The following SEC14L3 variants were observed in gnomAD, a reference collection of about 807,000 sequenced individuals.
SEC14L3 encodes SEC14-like protein 3.
SEC14L3 carries 56 observed loss-of-function variants against 57.4 expected under a neutral mutation model. That is an observed-to-expected ratio of 0.97 (90% CI 0.79 to 1.22). The LOEUF is 1.22. Among genes scored for constraint, SEC14L3 ranks in the 50% most tolerant of loss-of-function variants. SEC14L3 has a pLI of 0.00. For missense variants in SEC14L3, 485 were observed against 511.7 expected, an observed-to-expected ratio of 0.95 and a Z score of 0.50; for synonymous variants, 173 against 194.4, an observed-to-expected ratio of 0.89 and a Z score of 0.92.
intron 9 of SEC14L3, 66 bp downstream of exon 9, chr22:30,462,016 ATGAC>A: frequency 1.4e-6 from 2 of 1,480,220 alleles, no homozygotes; most frequent in Non-Finnish European, 1.9e-6. Context: ...TTGTGGATGA[ATGAC>A]TGAGTGGAAA....
chr22:30,462,024 G>A (rs1010973015), intron 9 of SEC14L3, 62 bp downstream of exon 9: 15 of 1,521,756 alleles, frequency 9.9e-6, no homozygotes, highest in East Asian at 2.3e-5. Context: ...GAATGACTGA[G>A]TGGAAAGGGA....
intron 11 of SEC14L3, 78 bp downstream of exon 11, chr22:30,461,232 C>T: frequency 6.7e-7 from 1 of 1,501,498 alleles, no homozygotes. Context: ...GTGTCACTGC[C>T]CCTCTGTTTC....
At position 30,468,668 on chromosome 22, in the gene SEC14L3, A is replaced by G. The variant is rs115278158; in HGVS notation, c.263T>C (p.Leu88Pro). The G allele has an allele frequency of 0.018, 29,379 of 1,613,738 alleles. 431 individuals are homozygous for G. The highest frequency in any genetic ancestry group is 0.051 in the Middle Eastern group (307 of 6,060). The change falls in exon 5 of 12, where the codon CTG becomes CCG. Residue 88 changes from leucine (L) to proline (P), a missense_variant. Coordinates refer to ENST00000215812, the MANE Select transcript of SEC14L3 (RefSeq NM_174975.5). ...GCAGCCATCACGGTCATAGCCACAC[A>G]GGCCCCCAGGCATGTACTTCTGGAT... ...EVIQKYMPGG[L>P]CGYDRDGCPV... is the part of the protein sequence containing the mutation.
chr22:30,452,348 G>C (rs918288638), intron 12 of SEC14L3, among the ~76,000 whole-genome samples: 3 of 147,536 alleles, frequency 2.0e-5, no homozygotes, highest in Non-Finnish European at 1.5e-5. Flanking sequence ...TCCCGGGTTC[G>C]ATTCTCCTGC....
chr22:30,456,338 A>G (rs1935120797), downstream of SEC14L3, among the ~76,000 whole-genome samples: 1 of 151,766 alleles, frequency 6.6e-6, no homozygotes, highest in South Asian at 2.1e-4. Context: ...AACACGAAAA[A>G]AGGAATATTG....
chr22:30,471,695 C>A (rs2146132195), intron 1 of SEC14L3, among the ~76,000 whole-genome samples: 1 of 152,324 alleles, frequency 6.6e-6, no homozygotes, highest in South Asian at 2.1e-4. Flanking sequence ...ACGTTATTGC[C>A]TGGAAGTGGT....
rs1015868438 is a variant in SEC14L3 at position 30,461,687 on chromosome 22, T to C, written c.779A>G (p.Tyr260Cys). The C allele has an allele frequency of 1.7e-5, 28 of 1,612,654 alleles. No individual in the cohort carries two copies. Among genetic ancestry groups the C allele is most frequent in the Non-Finnish European group, 2.4e-5 (28 of 1,179,384 alleles). ...GNPKCLTKIN[Y>C]GGEIPKSMYV... is the part of the protein sequence containing the mutation. The stretch of plus-strand genomic sequence containing the variant: ...CATGGACTTGGGGATCTCCCCGCCA[T>C]AGTTAATCTGCGGACATGGGATGAG... Residue 260 changes from tyrosine to cysteine, a missense_variant, in exon 10 of 12, where the codon TAT (tyrosine) becomes TGT (cysteine). Transcript: ENST00000215812.
chr22:30,455,165 T>A (rs193289180), downstream of SEC14L3, among the ~76,000 whole-genome samples: 6,426 of 104,822 alleles, frequency 0.061, 236 homozygotes, highest in African/African-American at 0.075. Context: ...ATTTAATATT[T>A]AATATATTAT....
At position 30,460,172 on chromosome 22, in the gene SEC14L3, G is replaced by T. The variant is rs759635019; in HGVS notation, c.1082-30C>A. ...GGGACAGATGGAAAGAGGGGCATTG[G>T]GCTTGGCTTTACACACTCTTTTTTC... On this transcript the variant is annotated intron_variant, in intron 11 of 11. Transcript: ENST00000215812. 3 of 1,611,298 alleles carry T rather than the reference G, an allele frequency of 1.9e-6. No homozygotes were observed. In the Admixed American group the frequency reaches 5.0e-5, roughly 27 times the overall value.
At position 30,461,370 on chromosome 22, in the gene SEC14L3, G is replaced by A. The variant is rs994492402; in HGVS notation, c.1021C>T (p.Arg341Cys). ...TCGGGCACCATGTGGGCGTTATAGC[G>A]CTGGCTGGGTAGAACATCTGTCATC... Reference protein sequence around the residue: ...GEMTDVLPSQRYNAHMVPEDG... With the variant: ...GEMTDVLPSQCYNAHMVPEDG... Residue 341 changes from arginine (R) to cysteine (C), a missense_variant, in exon 11 of 12, where the codon CGC (arginine) becomes TGC (cysteine). Transcript: ENST00000215812. The A allele has an allele frequency of 8.1e-6, 13 of 1,613,826 alleles. No homozygotes were observed. Among genetic ancestry groups the A allele is most frequent in the Admixed American group, 3.3e-5 (2 of 59,994 alleles).
chr22:30,466,979 T>C lies in SEC14L3; in HGVS notation c.519+3A>G, dbSNP rs770058772. On this transcript the variant is annotated splice_donor_region_variant and intron_variant, in intron 6 of 11. Transcript: ENST00000215812. Reference sequence around the variant, plus strand: ...GGGGGGTGGCCCTAGGACTTCTCCTTACCTCCTGGTACACTTCTACCAGAG... The same window carrying C: ...GGGGGGTGGCCCTAGGACTTCTCCTCACCTCCTGGTACACTTCTACCAGAG... The C allele has an allele frequency of 1.2e-6, 2 of 1,613,426 alleles. No individual in the cohort carries two copies. Among genetic ancestry groups the C allele is most frequent in the Non-Finnish European group, 1.7e-6 (2 of 1,179,714 alleles).
At position 30,462,026 on chromosome 22, in the gene SEC14L3, G is replaced by A. The variant is rs1022412193; in HGVS notation, c.771+60C>T. ...GGTAATTGTGGATGAATGACTGAGT[G>A]GAAAGGGAATCCAGCTTAATTCTTG... is the stretch of plus-strand genomic sequence containing the variant. On this transcript the variant is annotated intron_variant, in intron 9 of 11. Transcript: ENST00000215812. The A allele has an allele frequency of 6.7e-5, 103 of 1,531,252 alleles. 1 individual carries two copies. The highest frequency in any genetic ancestry group is 3.9e-4 in the South Asian group (34 of 86,518). 94.9% of individuals were successfully genotyped at this position (1,531,252 alleles called of 1,614,324 possible). A position where few individuals can be genotyped will look rare whatever the true frequency, so the allele number is the denominator to read the frequency against.
chr22:30,460,358 T>A, intron 11 of SEC14L3: 1 of 743,510 alleles, frequency 1.3e-6, no homozygotes, highest in Non-Finnish European at 1.6e-6. Context: ...TGCCCAGGCA[T>A]GGCTTTACTG....
intron 12 of SEC14L3, among the ~76,000 whole-genome samples, chr22:30,452,198 C>T (rs929811339): frequency 6.7e-6 from 1 of 150,314 alleles, no homozygotes; most frequent in African/African-American, 2.4e-5. Context: ...CATGAGGAGG[C>T]ATGAAGAGAT....
At chr22:30,471,048 G>T in intron 1 of SEC14L3, 1 of 321,868 alleles carries the variant, frequency 3.1e-6, no homozygotes, top group Non-Finnish European at 6.0e-6. Flanking sequence ...ACTTTAGGAG[G>T]CTGAGGTTGG....
rs578052200 is a variant in SEC14L3 at position 30,459,876 on chromosome 22, G to A, written c.*145C>T. The A allele has an allele frequency of 3.4e-4, 486 of 1,416,886 alleles. No individual in the cohort carries two copies. The highest frequency in any genetic ancestry group is 4.4e-4 in the Non-Finnish European group (477 of 1,081,628). 87.8% of individuals were successfully genotyped at this position (1,416,886 alleles called of 1,614,324 possible). On this transcript the variant is annotated 3_prime_UTR_variant, in exon 12 of 12. Transcript: ENST00000215812. The stretch of plus-strand genomic sequence containing the variant: ...CTTTCTTGATCTGACCACAGTAGAT[G>A]AGTTTTCCCCAGGGCATCTCTTTCT...
intron 8 of SEC14L3, 171 bp from the exon 9 acceptor site, chr22:30,462,363 T>A (rs966459216): frequency 1.7e-6 from 1 of 587,656 alleles, no homozygotes; most frequent in African/African-American, 2.0e-5. Flanking sequence ...TTTCTCAGCA[T>A]TGTGTTGCTG....
In SEC14L3 at chr22:30,464,819, C is replaced by A. The variant is rs1295324352; in HGVS notation, c.664+1G>T. ...CAGGAAATTGAGCTGGCACTACTTACTTCCCAACACAATAATTTTCCTGCG... is the reference window on the plus strand; with the variant it reads ...CAGGAAATTGAGCTGGCACTACTTAATTCCCAACACAATAATTTTCCTGCG... On this transcript the variant is annotated splice_donor_variant, in intron 8 of 11. Coordinates refer to ENST00000215812, the MANE Select transcript of SEC14L3 (RefSeq NM_174975.5). LOFTEE classifies it high-confidence loss of function. 1 of 1,613,910 alleles carries A rather than the reference C, an allele frequency of 6.2e-7. No individual in the cohort carries two copies. Among genetic ancestry groups the A allele is most frequent in the African/African-American group, 1.3e-5 (1 of 74,922 alleles).
At position 30,461,307 on chromosome 22, in the gene SEC14L3, T is replaced by G. The variant is rs1404685600; in HGVS notation, c.1081+3A>C. ...AGCCAGGTCCCAGCTGGGGCAGACT[T>G]ACAGACGCCGGCCTCTGAGCAGGTG... is the stretch of plus-strand genomic sequence containing the variant. On this transcript the variant is annotated splice_donor_region_variant and intron_variant, in intron 11 of 11. Transcript: ENST00000215812. 2 of 1,579,672 alleles carry G rather than the reference T, an allele frequency of 1.3e-6. No homozygotes were observed. The highest frequency in any genetic ancestry group is 1.2e-5 in the South Asian group (1 of 84,702).
Sources: allele counts gnomAD v4.1 joint callset (sites outside exome capture counted in the v4.1 genomes callset), GRCh38; gene constraint gnomAD v4.1.1; transcripts MANE v1.5; gene names NCBI Gene and HGNC (gene_info 2026-07-23, HGNC 2026-07-21).